PTPRN2: variants seen among roughly 807,000 people sequenced by gnomAD.
PTPRN2 encodes the protein protein tyrosine phosphatase receptor type N2.
Under a neutral mutation model 118.8 loss-of-function variants are expected in PTPRN2, and 74 were observed. The observed-to-expected ratio is 0.62, with a 90% CI of 0.52 to 0.76. PTPRN2 has a LOEUF of 0.76. PTPRN2 is among the 30% of genes least tolerant of loss of function. The pLI is 0.00. For synonymous variants in PTPRN2, 641 were observed against 608.0 expected (o/e 1.05, Z -0.80); for missense variants, 1,481 against 1,394.4 (o/e 1.06, Z -0.99).
chr7:157,812,614 G>A (rs886697810), intron 12 of PTPRN2, among the ~76,000 whole-genome samples: 1 of 152,194 alleles, frequency 6.6e-6, no homozygotes, highest in Non-Finnish European at 1.5e-5. Flanking sequence ...AGCTGAGAAA[G>A]CTGTAAGCGA....
At chr7:158,445,729 C>T (rs1029776825) in intron 2 of PTPRN2, among the ~76,000 whole-genome samples, 5 of 152,230 alleles carry the variant, frequency 3.3e-5, no homozygotes, top group Non-Finnish European at 5.9e-5. Flanking sequence ...GGCCAGGAGA[C>T]CCTGAGAGGG....
chr7:158,573,447 A>G (rs1295003308), intron 1 of PTPRN2, among the ~76,000 whole-genome samples: 1 of 152,212 alleles, frequency 6.6e-6, no homozygotes, highest in Non-Finnish European at 1.5e-5. Flanking sequence ...ATCCAATCCT[A>G]GAGTAGCAGA....
intron 6 of PTPRN2, among the ~76,000 whole-genome samples, chr7:158,151,523 G>GCCTTTCTAT (rs1585649874): frequency 1.8e-4 from 5 of 28,518 alleles, no homozygotes; most frequent in Admixed American, 5.1e-4. Flanking sequence ...CTCACCGCAC[G>GCCTTTCTAT]TCCTACTCCA....
At chr7:158,538,912 G>C (rs1206189960) in intron 1 of PTPRN2, among the ~76,000 whole-genome samples, 1 of 152,166 alleles carries the variant, frequency 6.6e-6, no homozygotes, top group Non-Finnish European at 1.5e-5. Context: ...AGGTGGGCAG[G>C]GGGTGGTCTG....
At chr7:157,820,265 A>ACACACACGTG (rs1461799535) in intron 12 of PTPRN2, among the ~76,000 whole-genome samples, 9 of 150,586 alleles carry the variant, frequency 6.0e-5, no homozygotes, top group African/African-American at 2.2e-4. Context: ...TGCAGCAGAC[A>ACACACACGTG]CACACACGTG....
intron 6 of PTPRN2, among the ~76,000 whole-genome samples, chr7:158,164,644 G>A (rs1366689916): frequency 6.6e-6 from 1 of 152,190 alleles, no homozygotes; most frequent in Non-Finnish European, 1.5e-5. Flanking sequence ...TCCCTCTGAT[G>A]GGGGCGACGA....
chr7:158,098,222 A>G (rs1021708922), intron 10 of PTPRN2, among the ~76,000 whole-genome samples: 3 of 152,224 alleles, frequency 2.0e-5, no homozygotes, highest in Non-Finnish European at 4.4e-5. Context: ...ACCTCGGAGA[A>G]GCGCTGGACG....
intron 11 of PTPRN2, among the ~76,000 whole-genome samples, chr7:157,992,941 G>A (rs917935615): frequency 2.0e-5 from 3 of 152,218 alleles, no homozygotes; most frequent in Admixed American, 6.5e-5. Context: ...CGTGGCGGCC[G>A]GGTCACTCCC....
chr7:157,942,134 CACGCACAGGG>C, intron 11 of PTPRN2, among the ~76,000 whole-genome samples: 1 of 145,682 alleles, frequency 6.9e-6, no homozygotes, highest in South Asian at 2.2e-4. Flanking sequence ...ATGCCTTCCA[CACGCACAGGG>C]GTCCTCGGCC....
At chr7:157,776,946 T>C (rs915762798) in intron 12 of PTPRN2, among the ~76,000 whole-genome samples, 6 of 126,952 alleles carry the variant, frequency 4.7e-5, no homozygotes, top group African/African-American at 1.8e-4. Context: ...CCTCTCCTCT[T>C]CCTCTTCCCT....
chr7:158,470,128 A>G (rs1819746803), intron 2 of PTPRN2, among the ~76,000 whole-genome samples: 1 of 152,268 alleles, frequency 6.6e-6, no homozygotes, highest in South Asian at 2.1e-4. Flanking sequence ...AAAATCGTCA[A>G]GTAGAAATAA....
intron 3 of PTPRN2, among the ~76,000 whole-genome samples, chr7:158,268,074 G>T (rs1259158663): frequency 1.3e-5 from 2 of 152,306 alleles, no homozygotes; most frequent in South Asian, 2.1e-4. Flanking sequence ...CGCTCTTCAA[G>T]GCACGAGATC....
chr7:157,817,638 C>A (rs977711949), intron 12 of PTPRN2, among the ~76,000 whole-genome samples: 3 of 152,246 alleles, frequency 2.0e-5, no homozygotes, highest in Admixed American at 1.3e-4. Flanking sequence ...CCGACCTGCA[C>A]AAAGCAGCAT....
chr7:158,521,695 G>C lies in PTPRN2; in HGVS notation c.113-31910C>G, dbSNP rs866447555. ...GAGGGAGGTCCACGTCACAATGGTG[G>C]ACTGTCCAGGTAGTGGCTCAGGAGG... On this transcript the variant is annotated intron_variant, in intron 1 of 22. Transcript: ENST00000389418. Among the ~76,000 whole-genome samples the C allele has an allele frequency of 1.6e-4, 16 of 102,940 alleles. 1 individual carries two copies. Among genetic ancestry groups the C allele is most frequent in the African/African-American group, 1.8e-4 (4 of 22,366 alleles). The allele number at this position is 102,940 out of a possible 152,430, so 67.5% of individuals were successfully genotyped here.
intron 11 of PTPRN2, among the ~76,000 whole-genome samples, chr7:158,040,728 T>C (rs1237198921): frequency 8.3e-6 from 1 of 120,918 alleles, no homozygotes; most frequent in East Asian, 2.0e-4. Flanking sequence ...GCCTTTCTTT[T>C]TTTCTTTCTT....
chr7:158,418,650 G>C (rs1307152878), intron 2 of PTPRN2, among the ~76,000 whole-genome samples: 1 of 139,034 alleles, frequency 7.2e-6, no homozygotes, highest in East Asian at 2.4e-4. Flanking sequence ...TCAAGATGCT[G>C]TAGCTCTCAG....
chr7:157,549,498 T>G (rs1798489581), intron 21 of PTPRN2, among the ~76,000 whole-genome samples: 1 of 152,138 alleles, frequency 6.6e-6, no homozygotes, highest in African/African-American at 2.4e-5. Flanking sequence ...GTTTTCTGCT[T>G]TTTAAACTCA....
intron 11 of PTPRN2, among the ~76,000 whole-genome samples, chr7:157,961,554 A>T (rs1464473182): frequency 6.6e-6 from 1 of 152,114 alleles, no homozygotes; most frequent in Non-Finnish European, 1.5e-5. Flanking sequence ...AAATTATAAA[A>T]AGTCGATTAA....
intron 7 of PTPRN2, among the ~76,000 whole-genome samples, chr7:158,137,430 AAAT>A (rs560480459): frequency 1.5e-3 from 232 of 152,260 alleles, no homozygotes; most frequent in African/African-American, 5.0e-3. Context: ...AAATAAAATA[AAAT>A]AATAAATAAA....
Sources: gnomAD v4.1 joint callset for allele counts (sites outside exome capture counted in the v4.1 genomes callset) on GRCh38, gnomAD v4.1.1 for gene constraint, MANE v1.5 for transcripts, NCBI Gene and HGNC (gene_info 2026-07-23, HGNC 2026-07-21) for gene names.